PDE11A: variants seen among roughly 807,000 people sequenced by gnomAD.
The protein encoded by PDE11A is dual 3',5'-cyclic-AMP and -GMP phosphodiesterase 11A.
Under a neutral mutation model 100.5 loss-of-function variants are expected in PDE11A, and 100 were observed. The ratio of observed to expected loss-of-function variants is 1.00; its 90% CI spans 0.85 to 1.18. PDE11A has a LOEUF of 1.18. PDE11A is among the 50% of genes most tolerant of loss of function. The pLI is 0.00. For missense variants in PDE11A, 1,141 were observed against 1,152.6 expected (o/e 0.99, Z 0.15); for synonymous variants, 381 against 420.8 (o/e 0.91, Z 1.16).
intron 2 of PDE11A, among the ~76,000 whole-genome samples, chr2:178,000,724 A>G (rs73972656): frequency 1.3e-5 from 2 of 152,334 alleles, no homozygotes; most frequent in African/African-American, 4.8e-5. Context: ...TTTCTTACAG[A>G]CACAAAGCTC....
intron 10 of PDE11A, among the ~76,000 whole-genome samples, chr2:177,763,363 T>C (rs939225800): frequency 2.0e-5 from 3 of 152,164 alleles, no homozygotes; most frequent in Non-Finnish European, 4.4e-5. Context: ...TCTATATAGC[T>C]TCGAGGTAAT....
intron 1 of PDE11A, among the ~76,000 whole-genome samples, chr2:178,015,274 CACA>C (rs2086321122): frequency 6.6e-6 from 1 of 152,092 alleles, no homozygotes; most frequent in Non-Finnish European, 1.5e-5. Flanking sequence ...ATGGAAAGGA[CACA>C]ACATCACCAA....
chr2:177,985,799 G>T (rs185438304), intron 2 of PDE11A, among the ~76,000 whole-genome samples: 26 of 152,324 alleles, frequency 1.7e-4, no homozygotes, highest in Admixed American at 1.0e-3. Context: ...GGGATTGCAA[G>T]AGTTTTATAA....
At position 178,028,739 on chromosome 2, in the gene PDE11A, A is replaced by G. The variant is rs535884388; in HGVS notation, c.913-14279T>C. 3.3e-5 allele frequency among the ~76,000 whole-genome samples: 5 copies of G among 152,316 alleles called. No homozygotes were observed. In the South Asian group the frequency reaches 8.3e-4, roughly 25 times the overall value. Reference sequence around the variant, plus strand: ...GAATAGCCAGCTAATTAGACCATTCATATTTTTCAGGTTTGGGTTTTGCTG... The same window carrying G: ...GAATAGCCAGCTAATTAGACCATTCGTATTTTTCAGGTTTGGGTTTTGCTG... On this transcript the variant is annotated intron_variant, in intron 1 of 19. Transcript: ENST00000286063.
intron 1 of PDE11A, among the ~76,000 whole-genome samples, chr2:178,070,170 T>C (rs562698709): frequency 2.0e-5 from 3 of 152,320 alleles, no homozygotes; most frequent in South Asian, 4.1e-4. Flanking sequence ...AAACCACTCA[T>C]TGTTGCTTCA....
intron 19 of PDE11A, among the ~76,000 whole-genome samples, chr2:177,647,642 C>T (rs76993031): frequency 6.6e-5 from 10 of 152,192 alleles, no homozygotes; most frequent in Middle Eastern, 3.4e-3. Flanking sequence ...AGTTCTGAGA[C>T]GGGGAGGAAC....
intron 4 of PDE11A, among the ~76,000 whole-genome samples, chr2:177,879,927 A>C (rs1434952499): frequency 6.6e-6 from 1 of 152,242 alleles, no homozygotes; most frequent in Non-Finnish European, 1.5e-5. Context: ...GAAAAGAAAA[A>C]TAGGGACAAA....
upstream of PDE11A, chr2:178,072,922 G>T (rs2087158506): frequency 1.0e-6 from 1 of 985,262 alleles, no homozygotes; most frequent in Non-Finnish European, 1.2e-6. Context: ...GCGGTTCCTG[G>T]AAGAGTCTCT....
chr2:178,075,839 T>C (rs1021512902), upstream of PDE11A, among the ~76,000 whole-genome samples: 5 of 151,964 alleles, frequency 3.3e-5, no homozygotes, highest in African/African-American at 7.3e-5. Context: ...ATGGAAGAGG[T>C]CCCACTAGGA....
chr2:178,000,562 A>G (rs2086131797), intron 2 of PDE11A, among the ~76,000 whole-genome samples: 1 of 152,244 alleles, frequency 6.6e-6, no homozygotes, highest in Non-Finnish European at 1.5e-5. Context: ...TGAGGAAAAT[A>G]TAATAAACAA....
intron 2 of PDE11A, among the ~76,000 whole-genome samples, chr2:177,936,558 C>G (rs1275088617): frequency 1.3e-5 from 2 of 152,156 alleles, no homozygotes; most frequent in Admixed American, 1.3e-4. Flanking sequence ...GAGGGTCTAC[C>G]ACAGATAGGT....
intron 2 of PDE11A, among the ~76,000 whole-genome samples, chr2:177,982,878 G>A (rs1375905696): frequency 2.7e-5 from 4 of 150,478 alleles, no homozygotes; most frequent in South Asian, 2.2e-4. Context: ...CCAGGAGTTC[G>A]AGACCAGCCT....
chr2:177,945,587 C>T (rs1180983452), intron 2 of PDE11A, among the ~76,000 whole-genome samples: 1 of 151,462 alleles, frequency 6.6e-6, no homozygotes, highest in Non-Finnish European at 1.5e-5. Context: ...GCCTGGCAAC[C>T]ACCCCGTCTG....
At chr2:177,934,638 T>C (rs533912974) in intron 2 of PDE11A, among the ~76,000 whole-genome samples, 34 of 152,196 alleles carry the variant, frequency 2.2e-4, no homozygotes, top group Non-Finnish European at 3.7e-4. Flanking sequence ...TTATTGGGTA[T>C]ATACCCAAAA....
At chr2:177,842,171 C>A (rs920690786) in intron 5 of PDE11A, among the ~76,000 whole-genome samples, 1 of 152,198 alleles carries the variant, frequency 6.6e-6, no homozygotes, top group Non-Finnish European at 1.5e-5. Flanking sequence ...TGTGATCACA[C>A]CGTTTCGAAG....
At position 177,722,463 on chromosome 2, in the gene PDE11A, G is replaced by C. The variant is rs79251517; in HGVS notation, c.2043+5195C>G. 8.6e-3 allele frequency among the ~76,000 whole-genome samples: 1,311 copies of C among 152,198 alleles called. 18 individuals are homozygous for C. The highest frequency in any genetic ancestry group is 0.029 in the African/African-American group (1,191 of 41,536). ...TGTATGTTTGGTTATTAGCACACCAGGTTCTTAATTATGTGCAGCTTTGCC... is the reference window on the plus strand; with the variant it reads ...TGTATGTTTGGTTATTAGCACACCACGTTCTTAATTATGTGCAGCTTTGCC... On this transcript the variant is annotated intron_variant, in intron 12 of 19. Coordinates refer to ENST00000286063, the MANE Select transcript of PDE11A (RefSeq NM_016953.4).
chr2:178,042,799 C>T (rs1418687195), intron 1 of PDE11A, among the ~76,000 whole-genome samples: 1 of 141,214 alleles, frequency 7.1e-6, no homozygotes, highest in Non-Finnish European at 1.6e-5. Context: ...AACTATATTA[C>T]ACAGAAGTTA....
chr2:177,753,540 A>G (rs2082051662), intron 10 of PDE11A, among the ~76,000 whole-genome samples: 1 of 151,740 alleles, frequency 6.6e-6, no homozygotes, highest in Non-Finnish European at 1.5e-5. Context: ...TGAGGAAGAA[A>G]AATCAGCCTG....
chr2:177,989,370 C>A (rs1335455834), intron 2 of PDE11A, among the ~76,000 whole-genome samples: 2 of 152,148 alleles, frequency 1.3e-5, no homozygotes, highest in African/African-American at 4.8e-5. Context: ...TGCCCAGAGT[C>A]AAATCTTTCT....
Sources: allele counts gnomAD v4.1 joint callset (sites outside exome capture counted in the v4.1 genomes callset), GRCh38; gene constraint gnomAD v4.1.1; transcripts MANE v1.5; gene names NCBI Gene and HGNC (gene_info 2026-07-23, HGNC 2026-07-21).